The following CHLSN variants were observed in gnomAD, a reference collection of about 807,000 sequenced individuals.
The protein encoded by CHLSN is protein cholesin.
At chr7:1,032,222 G>A in the CHLSN span, among the ~76,000 whole-genome samples, 142 of 152,284 alleles carry the variant, frequency 9.3e-4, no homozygotes, top group African/African-American at 3.2e-3. Flanking sequence ...CACGTCCCTC[G>A]CACTCGGCCC....
chr7:1,072,990 C>G, the CHLSN span, among the ~76,000 whole-genome samples: 1 of 152,172 alleles, frequency 6.6e-6, no homozygotes, highest in Non-Finnish European at 1.5e-5. Flanking sequence ...TTCAAAAGTT[C>G]TTCTTGGGTC....
At chr7:1,010,166 G>A in the CHLSN span, 1 of 1,595,224 alleles carries the variant, frequency 6.3e-7, no homozygotes, top group South Asian at 1.1e-5. Context: ...GAACACATTA[G>A]GCTTCGGGGA....
chr7:1,017,720 G>A, the CHLSN span, among the ~76,000 whole-genome samples: 2 of 151,928 alleles, frequency 1.3e-5, no homozygotes, highest in East Asian at 1.9e-4. Context: ...GCGGGCAGCC[G>A]CGGACGGCGG....
the CHLSN span, among the ~76,000 whole-genome samples, chr7:1,081,317 AC>A: frequency 4.6e-5 from 7 of 151,738 alleles, no homozygotes; most frequent in African/African-American, 1.7e-4. Context: ...AACTGTGAGG[AC>A]CCCCTCTCCT....
the CHLSN span, among the ~76,000 whole-genome samples, chr7:1,134,113 T>C: frequency 6.6e-6 from 1 of 151,962 alleles, no homozygotes; most frequent in African/African-American, 2.4e-5. Context: ...TATATATATA[T>C]ATTTTTTTAA....
At chr7:1,080,102 G>C in the CHLSN span, among the ~76,000 whole-genome samples, 4 of 152,246 alleles carry the variant, frequency 2.6e-5, no homozygotes, top group Non-Finnish European at 5.9e-5. Flanking sequence ...CCTGGGGTTA[G>C]AAGGACAGGT....
At chr7:1,005,131 A>T in the CHLSN span, among the ~76,000 whole-genome samples, 5 of 152,190 alleles carry the variant, frequency 3.3e-5, no homozygotes, top group Non-Finnish European at 1.5e-5. Context: ...CTCTACTAAA[A>T]ATACAAAAAA....
chr7:979,621 G>A, the CHLSN span, among the ~76,000 whole-genome samples: 2 of 151,988 alleles, frequency 1.3e-5, no homozygotes, highest in African/African-American at 2.4e-5. Context: ...GCGTGGTGGT[G>A]AGTGCCTGTA....
the CHLSN span, chr7:987,286 CG>C: frequency 1.3e-6 from 2 of 1,507,764 alleles, no homozygotes; most frequent in Non-Finnish European, 8.9e-7. Context: ...CTTCTGCCCC[CG>C]GGGGACCCCC....
the CHLSN span, among the ~76,000 whole-genome samples, chr7:1,015,650 C>T: frequency 1.3e-5 from 2 of 152,190 alleles, no homozygotes; most frequent in Non-Finnish European, 2.9e-5. Flanking sequence ...CAGGGAGGAC[C>T]CAGGACTAAC....
chr7:1,016,906 ACGC>A, the CHLSN span, among the ~76,000 whole-genome samples: 11 of 109,200 alleles, frequency 1.0e-4, 1 homozygote, highest in South Asian at 2.8e-4. Context: ...ACAGCAGCAC[ACGC>A]CAGCGCACAG....
the CHLSN span, among the ~76,000 whole-genome samples, chr7:1,057,200 G>A: frequency 6.6e-6 from 1 of 152,148 alleles, no homozygotes; most frequent in South Asian, 2.1e-4. Context: ...CCCAGGCCTC[G>A]CAGCAGCCCG....
At chr7:1,136,533 TATATATGAAC>T in the CHLSN span, among the ~76,000 whole-genome samples, 6 of 133,210 alleles carry the variant, frequency 4.5e-5, no homozygotes, top group Non-Finnish European at 7.7e-5. Context: ...TATATAAACA[TATATATGAAC>T]ATATATAAAC....
the CHLSN span, among the ~76,000 whole-genome samples, chr7:1,015,369 G>A: frequency 6.6e-6 from 1 of 152,234 alleles, no homozygotes; most frequent in Non-Finnish European, 1.5e-5. Context: ...GGCTCAGGGA[G>A]GAATGTGCAA....
the CHLSN span, among the ~76,000 whole-genome samples, chr7:1,133,706 A>C: frequency 1.3e-5 from 2 of 150,620 alleles, no homozygotes; most frequent in African/African-American, 4.9e-5. Context: ...GTGAGCCGAG[A>C]TCAAGCCACT....
At chr7:997,954 C>T in the CHLSN span, 1 of 648,424 alleles carries the variant, frequency 1.5e-6, no homozygotes. Flanking sequence ...TGGCCACAGA[C>T]CCTGCCCCAG....
At chr7:1,091,913 C>A in the CHLSN span, 9 of 1,613,984 alleles carry the variant, frequency 5.6e-6, no homozygotes, top group African/African-American at 1.3e-5. Context: ...CTGTTCCTCT[C>A]GTGCCTCTAC....
the CHLSN span, chr7:1,026,579 G>C: frequency 6.6e-6 from 1 of 152,246 alleles, no homozygotes; most frequent in East Asian, 1.9e-4. Context: ...CACAAAGCCT[G>C]CTTCTCAACC....
At chr7:1,104,989 C>G in the CHLSN span, among the ~76,000 whole-genome samples, 1 of 152,214 alleles carries the variant, frequency 6.6e-6, no homozygotes, top group South Asian at 2.1e-4. Flanking sequence ...TTCCTTTGAA[C>G]AGTCAGGAAG....
Sources: allele counts gnomAD v4.1 joint callset (sites outside exome capture counted in the v4.1 genomes callset), GRCh38; gene constraint gnomAD v4.1.1; transcripts MANE v1.5; gene names NCBI Gene and HGNC (gene_info 2026-07-23, HGNC 2026-07-21).